IL1RAPL2: variants seen among roughly 807,000 people sequenced by gnomAD.
The protein encoded by IL1RAPL2 is interleukin 1 receptor accessory protein like 2.
IL1RAPL2 carries 3 observed loss-of-function variants against 44.1 expected under a neutral mutation model. The observed-to-expected ratio is 0.07, with a 90% confidence interval of 0.03 to 0.18. The LOEUF (loss-of-function observed/expected upper bound fraction) is 0.18, where lower values mean the gene tolerates loss of function less well. Ranked by LOEUF, IL1RAPL2 falls within the 10% of genes least tolerant of loss-of-function variation. IL1RAPL2 has a pLI of 1.00. For missense variants in IL1RAPL2, 391 were observed against 496.4 expected (o/e 0.79, Z 2.02); for synonymous variants, 181 against 178.8 (o/e 1.01, Z -0.10).
intron 1 of IL1RAPL2, among the ~76,000 whole-genome samples, chrX:104,651,642 G>A (rs186465548): frequency 2.7e-5 from 3 of 111,721 alleles, no homozygotes; most frequent in Admixed American, 9.5e-5. Flanking sequence ...AATCTAACCA[G>A]TATGGTTGAG....
chrX:105,496,265 T>G (rs2036355950), intron 6 of IL1RAPL2, among the ~76,000 whole-genome samples: 1 of 112,516 alleles, frequency 8.9e-6, no homozygotes, highest in Non-Finnish European at 1.9e-5. Flanking sequence ...ATAAAGGTTG[T>G]GCCCTGACCC....
intron 2 of IL1RAPL2, among the ~76,000 whole-genome samples, chrX:104,716,649 C>T (rs185381797): frequency 1.8e-4 from 20 of 110,842 alleles, no homozygotes; most frequent in Non-Finnish European, 3.2e-4. Context: ...GACATACATC[C>T]ACCCAACAAG....
chrX:104,729,566 C>T (rs1277882824), intron 2 of IL1RAPL2, among the ~76,000 whole-genome samples: 9 of 102,402 alleles, frequency 8.8e-5, no homozygotes, highest in Non-Finnish European at 1.4e-4. Context: ...TAGGTAAAGT[C>T]ATGTCATGAG....
At chrX:105,612,097 T>G (rs776081065) in intron 6 of IL1RAPL2, among the ~76,000 whole-genome samples, 1 of 110,741 alleles carries the variant, frequency 9.0e-6, no homozygotes, top group African/African-American at 3.3e-5. Flanking sequence ...TTTTTGTTTG[T>G]TTGTTTGTTT....
chrX:105,484,306 C>G lies in IL1RAPL2; in HGVS notation c.698-7C>G. ...TTTCCATTACTTTCTTTCATTTTCT[C>G]TTCTAGCTTTACTCACAGACAAGCC... On this transcript the variant is annotated splice_polypyrimidine_tract_variant and splice_region_variant and intron_variant, in intron 5 of 10. Coordinates refer to ENST00000372582, the MANE Select transcript of IL1RAPL2 (RefSeq NM_017416.2). 8.5e-7 allele frequency: 1 copy of G among 1,181,930 alleles called. No homozygotes were observed. Among genetic ancestry groups the G allele is most frequent in the Non-Finnish European group, 1.2e-6 (1 of 868,744 alleles).
chrX:105,370,049 G>A (rs756654947), intron 5 of IL1RAPL2, among the ~76,000 whole-genome samples: 1 of 111,620 alleles, frequency 9.0e-6, no homozygotes, highest in Admixed American at 9.5e-5. Flanking sequence ...CTAGAACTGA[G>A]TAGCAACCAT....
At chrX:105,340,589 A>T (rs1186555172) in intron 5 of IL1RAPL2, among the ~76,000 whole-genome samples, 2 of 111,896 alleles carry the variant, frequency 1.8e-5, no homozygotes, top group Non-Finnish European at 3.8e-5. Context: ...CCTTAAACAC[A>T]CCTGAGCATC....
At chrX:105,362,903 C>CA (rs1452417551) in intron 5 of IL1RAPL2, among the ~76,000 whole-genome samples, 46 of 110,035 alleles carry the variant, frequency 4.2e-4, no homozygotes, top group African/African-American at 1.4e-3. Context: ...TTAGAATATA[C>CA]ATTATTATTA....
intron 2 of IL1RAPL2, among the ~76,000 whole-genome samples, chrX:104,731,222 A>T (rs1931910335): frequency 9.2e-6 from 1 of 109,256 alleles, no homozygotes; most frequent in South Asian, 3.9e-4. Flanking sequence ...CTTTAGTTTA[A>T]TTAGATCCCA....
At chrX:105,277,255 G>A (rs1425870944) in intron 5 of IL1RAPL2, among the ~76,000 whole-genome samples, 1 of 112,287 alleles carries the variant, frequency 8.9e-6, no homozygotes, top group Non-Finnish European at 1.9e-5. Flanking sequence ...TACCTTTTGT[G>A]TGACCTAATA....
intron 6 of IL1RAPL2, among the ~76,000 whole-genome samples, chrX:105,520,853 A>G (rs1242284574): frequency 9.5e-6 from 1 of 104,721 alleles, no homozygotes; most frequent in Non-Finnish European, 2.0e-5. Flanking sequence ...TATTTTTTCT[A>G]TTATAGCTAT....
intron 2 of IL1RAPL2, among the ~76,000 whole-genome samples, chrX:104,941,442 T>C (rs1430969704): frequency 8.9e-6 from 1 of 112,218 alleles, no homozygotes; most frequent in South Asian, 3.7e-4. Context: ...TTTGTATTTC[T>C]CTGATGGTCA....
At chrX:104,757,753 A>T (rs1465592911) in intron 2 of IL1RAPL2, among the ~76,000 whole-genome samples, 2 of 111,645 alleles carry the variant, frequency 1.8e-5, no homozygotes, top group East Asian at 5.6e-4. Flanking sequence ...TTTAATGAAA[A>T]TGGATTGCCT....
chrX:104,933,313 T>A (rs1231081932), intron 2 of IL1RAPL2, among the ~76,000 whole-genome samples: 3 of 111,451 alleles, frequency 2.7e-5, no homozygotes, highest in African/African-American at 9.8e-5. Flanking sequence ...AAATCTCATC[T>A]TTCCCCCCAT....
intron 2 of IL1RAPL2, among the ~76,000 whole-genome samples, chrX:104,937,690 A>G (rs1925061022): frequency 8.9e-6 from 1 of 112,076 alleles, no homozygotes; most frequent in Non-Finnish European, 1.9e-5. Context: ...ATAAGTTATA[A>G]TACCAATCAA....
At chrX:104,999,530 A>G (rs775711558) in intron 2 of IL1RAPL2, among the ~76,000 whole-genome samples, 12 of 111,639 alleles carry the variant, frequency 1.1e-4, no homozygotes, top group African/African-American at 3.9e-4. Context: ...TTGAAGGAGG[A>G]ACTAAAAGAA....
At chrX:105,284,358 A>G (rs1434713038) in intron 5 of IL1RAPL2, among the ~76,000 whole-genome samples, 2 of 112,420 alleles carry the variant, frequency 1.8e-5, no homozygotes, top group East Asian at 5.6e-4. Context: ...AGAAAGAAAT[A>G]TTGAGATATG....
chrX:105,675,942 TG>T (rs2037867839), intron 6 of IL1RAPL2: 1 of 111,993 alleles, frequency 8.9e-6, no homozygotes, highest in Non-Finnish European at 1.9e-5. Context: ...TTACTTTATT[TG>T]CATAGATCTA....
intron 1 of IL1RAPL2, among the ~76,000 whole-genome samples, chrX:104,641,045 C>T (rs779394830): frequency 8.9e-6 from 1 of 111,926 alleles, no homozygotes; most frequent in African/African-American, 3.3e-5. Flanking sequence ...GGCCCCTGAG[C>T]CACAGACAAG....
Sources: allele counts gnomAD v4.1 joint callset (sites outside exome capture counted in the v4.1 genomes callset), GRCh38; gene constraint gnomAD v4.1.1; transcripts MANE v1.5; gene names NCBI Gene and HGNC (gene_info 2026-07-23, HGNC 2026-07-21).